The following ATRNL1 variants were observed in gnomAD, a reference collection of about 807,000 sequenced individuals.
The protein encoded by ATRNL1 is attractin-like protein 1.
In ATRNL1, 95 loss-of-function variants were observed where a neutral mutation model predicts 182.7. That is an observed-to-expected ratio of 0.52 (90% CI 0.44 to 0.62). ATRNL1 has a LOEUF of 0.62. ATRNL1 is among the 20% of genes least tolerant of loss of function. The pLI is 0.00. For missense variants in ATRNL1, 1,471 were observed against 1,679.5 expected (o/e 0.88, Z 2.17); for synonymous variants, 576 against 568.3 (o/e 1.01, Z -0.19).
chr10:115,515,431 C>T (rs1037479565), intron 24 of ATRNL1, among the ~76,000 whole-genome samples: 1 of 151,076 alleles, frequency 6.6e-6, no homozygotes, highest in Admixed American at 6.6e-5. Flanking sequence ...AACTCTGTCC[C>T]TTGGATTGCA....
intron 28 of ATRNL1, among the ~76,000 whole-genome samples, chr10:115,881,681 C>A (rs1951830250): frequency 6.6e-6 from 1 of 152,156 alleles, no homozygotes; most frequent in Non-Finnish European, 1.5e-5. Context: ...CTCTTTTACT[C>A]ATTATAGGCT....
At chr10:115,703,577 T>G (rs1203988337) in intron 26 of ATRNL1, among the ~76,000 whole-genome samples, 1 of 151,834 alleles carries the variant, frequency 6.6e-6, no homozygotes, top group Middle Eastern at 3.4e-3. Context: ...AACATTCTGG[T>G]TTTTAGGTTG....
chr10:115,493,176 GT>G (rs1349369761), intron 24 of ATRNL1, among the ~76,000 whole-genome samples: 1 of 152,064 alleles, frequency 6.6e-6, no homozygotes, highest in Non-Finnish European at 1.5e-5. Context: ...GGTAAACTGT[GT>G]TTTGTGGGGA....
chr10:115,280,968 GC>G (rs1852334114), intron 13 of ATRNL1, among the ~76,000 whole-genome samples: 1 of 152,166 alleles, frequency 6.6e-6, no homozygotes, highest in South Asian at 2.1e-4. Context: ...TTTGAACAAG[GC>G]AGTGTAGTTA....
intron 26 of ATRNL1, among the ~76,000 whole-genome samples, chr10:115,599,378 C>T (rs781801146): frequency 1.3e-5 from 2 of 152,138 alleles, no homozygotes; most frequent in African/African-American, 2.4e-5. Flanking sequence ...GAGCATGCAA[C>T]TCAGTCTCAT....
In ATRNL1 at chr10:115,268,348, C is replaced by T. The variant is rs199980102; in HGVS notation, c.2004C>T (p.Tyr668=). 5.0e-6 allele frequency: 8 copies of T among 1,612,188 alleles called. No individual in the cohort carries two copies. Among genetic ancestry groups the T allele is most frequent in the Non-Finnish European group, 6.8e-6 (8 of 1,178,574 alleles). ...PKTAASDDRC[Y]RYADCASCTA... is the part of the protein sequence containing the mutation. The stretch of plus-strand genomic sequence containing the variant: ...TAGCTGCTTCTGATGACAGATGTTA[C>T]AGATATGCAGATTGTGCCAGCTGTA... The change falls in exon 13 of 29, where the codon TAC becomes TAT. Residue 668 remains tyrosine, a synonymous_variant. Transcript: ENST00000355044.
At chr10:115,761,337 G>A (rs1948730905) in intron 27 of ATRNL1, among the ~76,000 whole-genome samples, 1 of 152,146 alleles carries the variant, frequency 6.6e-6, no homozygotes, top group African/African-American at 2.4e-5. Flanking sequence ...TTTGAGAGGT[G>A]GAGGAGACAC....
At chr10:115,506,369 A>C (rs1437335983) in intron 24 of ATRNL1, among the ~76,000 whole-genome samples, 13 of 152,148 alleles carry the variant, frequency 8.5e-5, no homozygotes, top group African/African-American at 3.1e-4. Flanking sequence ...ACAGCAAACA[A>C]ACACATTATG....
intron 10 of ATRNL1, among the ~76,000 whole-genome samples, chr10:115,247,423 C>A (rs1850692377): frequency 6.6e-6 from 1 of 152,110 alleles, no homozygotes; most frequent in African/African-American, 2.4e-5. Flanking sequence ...TAATATATGA[C>A]AACATGTTCA....
At chr10:115,930,258 G>T (rs571331519) in intron 28 of ATRNL1, among the ~76,000 whole-genome samples, 23 of 152,144 alleles carry the variant, frequency 1.5e-4, no homozygotes, top group African/African-American at 2.2e-4. Flanking sequence ...GATTTATTTG[G>T]TTTTTTTCCT....
At chr10:115,531,400 G>A (rs1269521978) in intron 25 of ATRNL1, among the ~76,000 whole-genome samples, 4 of 152,076 alleles carry the variant, frequency 2.6e-5, no homozygotes, top group East Asian at 3.9e-4. Context: ...ATTTTTTCAT[G>A]TGTTTTTTGG....
At chr10:115,256,168 G>A (rs1554906835) in intron 10 of ATRNL1, among the ~76,000 whole-genome samples, 1 of 152,188 alleles carries the variant, frequency 6.6e-6, no homozygotes, top group African/African-American at 2.4e-5. Flanking sequence ...AGTTAGGGAG[G>A]ATTCCCTCTT....
intron 26 of ATRNL1, among the ~76,000 whole-genome samples, chr10:115,567,588 C>T (rs976461226): frequency 1.3e-5 from 2 of 152,006 alleles, no homozygotes; most frequent in East Asian, 1.9e-4. Flanking sequence ...TTCACTTTTG[C>T]TGTCTTTGTT....
At chr10:115,694,407 C>A (rs754011017) in intron 26 of ATRNL1, among the ~76,000 whole-genome samples, 14 of 152,004 alleles carry the variant, frequency 9.2e-5, no homozygotes, top group Non-Finnish European at 1.3e-4. Flanking sequence ...CATTATGGAA[C>A]TAATGTGGAT....
At chr10:115,588,252 A>G (rs748974033) in intron 26 of ATRNL1, among the ~76,000 whole-genome samples, 30 of 152,178 alleles carry the variant, frequency 2.0e-4, no homozygotes, top group Non-Finnish European at 3.7e-4. Flanking sequence ...GCTCTATGCC[A>G]TGGATGGTGA....
chr10:115,505,721 G>GA lies in ATRNL1; in HGVS notation c.3655-13533dup, dbSNP rs561518640. On this transcript the variant is annotated intron_variant, in intron 24 of 28. Transcript: ENST00000355044. ...CAAAAAAAGGCAAGGTTCTAGGAGA[G>GA]AAAAAAAAACATGAACGCCTTTTAA... is the stretch of plus-strand genomic sequence containing the variant. Among the ~76,000 whole-genome samples, 254 of 150,220 alleles carry GA rather than the reference G, an allele frequency of 1.7e-3. 1 individual carries two copies. Among genetic ancestry groups the GA allele is most frequent in the South Asian group, 8.5e-3 (40 of 4,728 alleles).
chr10:115,370,370 CAG>C (rs1554947670), intron 19 of ATRNL1, among the ~76,000 whole-genome samples: 1 of 152,124 alleles, frequency 6.6e-6, no homozygotes, highest in Admixed American at 6.6e-5. Flanking sequence ...CAGAAGAAGA[CAG>C]GGAAATGTGG....
At chr10:115,564,907 C>T (rs1025800772) in intron 26 of ATRNL1, among the ~76,000 whole-genome samples, 4 of 151,778 alleles carry the variant, frequency 2.6e-5, no homozygotes, top group African/African-American at 2.4e-5. Flanking sequence ...TATTATAATT[C>T]TGAATTATTT....
chr10:115,713,701 CTATCATCT>C (rs1161320047), intron 26 of ATRNL1, among the ~76,000 whole-genome samples: 11 of 50,194 alleles, frequency 2.2e-4, no homozygotes, highest in East Asian at 3.1e-3. Context: ...ATCTATCTAT[CTATCATCT>C]ATCTATCTAT....
Sources: gnomAD v4.1 joint callset for allele counts (sites outside exome capture counted in the v4.1 genomes callset) on GRCh38, gnomAD v4.1.1 for gene constraint, MANE v1.5 for transcripts, NCBI Gene and HGNC (gene_info 2026-07-23, HGNC 2026-07-21) for gene names.